ANKRD36C: variants seen among roughly 807,000 people sequenced by gnomAD.
ANKRD36C encodes ankyrin repeat domain 36C.
In ANKRD36C, 61 loss-of-function variants were observed where a neutral mutation model predicts 276.4. The ratio of observed to expected loss-of-function variants is 0.22; its 90% CI spans 0.18 to 0.27. The LOEUF is 0.27. Among genes scored for constraint, ANKRD36C ranks in the 10% least tolerant of loss-of-function variants. The pLI is 1.00. For synonymous variants in ANKRD36C, 483 were observed against 680.1 expected (o/e 0.71, Z 4.51); for missense variants, 1,447 against 2,032.3 (o/e 0.71, Z 5.54).
At chr2:95,941,670 C>G (rs1677895492) in intron 19 of ANKRD36C, among the ~76,000 whole-genome samples, 1 of 152,420 alleles carries the variant, frequency 6.6e-6, no homozygotes, top group Admixed American at 6.5e-5. Flanking sequence ...ATGGGAGAAA[C>G]AGGCCAAACC....
intron 42 of ANKRD36C, 22 bp from the exon 48 acceptor site, chr2:95,908,596 A>T: frequency 1.3e-6 from 2 of 1,565,062 alleles, no homozygotes; most frequent in South Asian, 2.3e-5. Context: ...TTGAAATGCA[A>T]TAATAAATTA....
chr2:95,866,355 A>G (rs1675683117), intron 60 of ANKRD36C, among the ~76,000 whole-genome samples: 1 of 152,212 alleles, frequency 6.6e-6, no homozygotes, highest in Non-Finnish European at 1.5e-5. Context: ...TCAACCCAAA[A>G]ACTGGCAAAA....
At chr2:95,914,077 A>G in intron 40 of ANKRD36C, 31 bp downstream of exon 42, 6 of 1,532,410 alleles carry the variant, frequency 3.9e-6, no homozygotes, top group Non-Finnish European at 5.3e-6. Flanking sequence ...ATCTCGACTG[A>G]TCATGACATT....
chr2:95,870,179 G>A (rs1012169918), intron 59 of ANKRD36C, among the ~76,000 whole-genome samples: 14 of 152,212 alleles, frequency 9.2e-5, no homozygotes, highest in Admixed American at 1.3e-4. Flanking sequence ...CCAGCATGCA[G>A]CTGGAGATCT....
At chr2:95,917,497 G>A (rs994152314) in intron 36 of ANKRD36C, among the ~76,000 whole-genome samples, 4 of 151,488 alleles carry the variant, frequency 2.6e-5, no homozygotes, top group African/African-American at 4.8e-5. Flanking sequence ...ACGATGTGAC[G>A]TCTGTAAAAT....
intron 6 of ANKRD36C, among the ~76,000 whole-genome samples, chr2:95,975,065 TG>T (rs1332277195): frequency 6.6e-6 from 1 of 152,044 alleles, no homozygotes; most frequent in African/African-American, 2.4e-5. Flanking sequence ...GTTGGACATT[TG>T]GGTTGGTTCC....
exon 26 of ANKRD36C, chr2:95,929,113 T>C (rs1180394845): frequency 2.5e-6 from 4 of 1,603,588 alleles, no homozygotes; most frequent in Non-Finnish European, 3.4e-6. Flanking sequence ...TGTGGCTATA[T>C]TTGAAACAGA....
At chr2:95,892,741 A>T (rs1265994693) in intron 44 of ANKRD36C, among the ~76,000 whole-genome samples, 1 of 151,228 alleles carries the variant, frequency 6.6e-6, no homozygotes, top group African/African-American at 2.4e-5. Context: ...TTGTTCTCTA[A>T]AGAAGTTTCA....
rs910596597 is a variant in ANKRD36C at position 95,929,152 on chromosome 2, G to A, written c.1765-8C>T. On this transcript the variant is annotated splice_region_variant and splice_polypyrimidine_tract_variant and intron_variant, in intron 25 of 66. Transcript: ENST00000456556. The stretch of plus-strand genomic sequence containing the variant: ...TTTGTCGTCACTTGTAGCCTGAATG[G>A]GATTTGAAACAAAATAATCAATATG... 1 of 1,601,986 alleles carries A rather than the reference G, an allele frequency of 6.2e-7. No homozygotes were observed. The highest frequency in any genetic ancestry group is 1.3e-5 in the African/African-American group (1 of 74,750).
At chr2:95,873,895 C>T (rs1248318672) in intron 59 of ANKRD36C, among the ~76,000 whole-genome samples, 1 of 152,136 alleles carries the variant, frequency 6.6e-6, no homozygotes, top group Non-Finnish European at 1.5e-5. Flanking sequence ...CAGACAAACA[C>T]AGAGCCAAAT....
At chr2:95,917,462 C>G (rs1040486397) in intron 36 of ANKRD36C, among the ~76,000 whole-genome samples, 1 of 151,540 alleles carries the variant, frequency 6.6e-6, no homozygotes, top group African/African-American at 2.4e-5. Context: ...TTATTACTAT[C>G]AGTTTTCTGT....
At chr2:95,884,397 C>T (rs756532835) in intron 52 of ANKRD36C, 29 bp from the exon 73 acceptor site, 29 of 1,610,434 alleles carry the variant, frequency 1.8e-5, no homozygotes, top group East Asian at 1.3e-4. Flanking sequence ...ACATAATCAC[C>T]CACATGCACG....
chr2:95,982,303 A>C (rs900346932), exon 4 of ANKRD36C: 1 of 1,550,862 alleles, frequency 6.4e-7, no homozygotes, highest in African/African-American at 1.4e-5. Flanking sequence ...TCTTTAATAA[A>C]AATTCCACCA....
At chr2:95,900,916 C>A in intron 42 of ANKRD36C, 99 bp downstream of exon 56, 3 of 217,128 alleles carry the variant, frequency 1.4e-5, no homozygotes, top group South Asian at 3.2e-5. Context: ...CCTACTGAAT[C>A]AGAATGTGCA....
At chr2:95,891,471 T>C (rs1444219580) in intron 46 of ANKRD36C, among the ~76,000 whole-genome samples, 194 bp downstream of exon 66, 6 of 151,470 alleles carry the variant, frequency 4.0e-5, no homozygotes. Flanking sequence ...GGGGGAAGTG[T>C]ATACTCTTAC....
At chr2:95,919,311 C>A (rs1285388681) in intron 34 of ANKRD36C, among the ~76,000 whole-genome samples, 3 of 133,352 alleles carry the variant, frequency 2.2e-5, no homozygotes, top group African/African-American at 5.1e-5. Flanking sequence ...CTTAGTTCTC[C>A]TTCTACAGTG....
intron 56 of ANKRD36C, among the ~76,000 whole-genome samples, chr2:95,881,285 G>C (rs1676071984): frequency 6.6e-6 from 1 of 152,106 alleles, no homozygotes; most frequent in Admixed American, 6.6e-5. Flanking sequence ...CTAATGGCAA[G>C]AAGGTATAAT....
chr2:95,874,841 C>T (rs1376381311), intron 59 of ANKRD36C, among the ~76,000 whole-genome samples: 1 of 152,146 alleles, frequency 6.6e-6, no homozygotes, highest in Non-Finnish European at 1.5e-5. Context: ...AAGAAAAAAA[C>T]AAACAACCCC....
chr2:95,991,273 C>T (rs1327565557), intron 1 of ANKRD36C, among the ~76,000 whole-genome samples: 1 of 99,100 alleles, frequency 1.0e-5, no homozygotes, highest in East Asian at 3.0e-4. Context: ...TTCACACCCC[C>T]ACCCCATGCA....
Sources: allele counts gnomAD v4.1 joint callset (sites outside exome capture counted in the v4.1 genomes callset), GRCh38; gene constraint gnomAD v4.1.1; transcripts MANE v1.5; gene names NCBI Gene and HGNC (gene_info 2026-07-23, HGNC 2026-07-21).